CRPPA: variants seen among roughly 807,000 people sequenced by gnomAD.
CRPPA encodes the protein D-ribitol-5-phosphate cytidylyltransferase.
CRPPA carries 43 observed loss-of-function variants against 52.0 expected under a neutral mutation model. The observed-to-expected ratio is 0.83, with a 90% CI of 0.65 to 1.07. The LOEUF (loss-of-function observed/expected upper bound fraction) is 1.07, where lower values mean the gene tolerates loss of function less well. Among genes scored for constraint, CRPPA ranks in the 50% least tolerant of loss-of-function variants. The probability of loss-of-function intolerance (pLI) is 0.00; values close to 1 mark genes in which losing one functional copy is unlikely to be tolerated. For missense variants in CRPPA, 629 were observed against 551.7 expected, an observed-to-expected ratio of 1.14 and a Z score of -1.40; for synonymous variants, 250 against 203.5, an observed-to-expected ratio of 1.23 and a Z score of -1.94.
Position 16,421,326 on chromosome 7 carries a change from T to A in CRPPA, c.-4A>T. 8.0e-7 allele frequency: 1 copy of A among 1,247,814 alleles called. No individual in the cohort carries two copies. Among genetic ancestry groups the A allele is most frequent in the Non-Finnish European group, 1.0e-6 (1 of 993,032 alleles). 77.3% of individuals were successfully genotyped at this position (1,247,814 alleles called of 1,614,324 possible). Reference sequence around the variant, plus strand: ...TGCCCGGCGGCCCGGCCTCCATGGCTGCGGGCGGAACGGCGAGCCCCGCTA... The same window carrying A: ...TGCCCGGCGGCCCGGCCTCCATGGCAGCGGGCGGAACGGCGAGCCCCGCTA... On this transcript the variant is annotated 5_prime_UTR_variant, in exon 1 of 10. Coordinates refer to ENST00000407010, the MANE Select transcript of CRPPA (RefSeq NM_001101426.4).
chr7:16,094,062 C>G (rs1781889724), intron 9 of CRPPA, among the ~76,000 whole-genome samples: 2 of 152,160 alleles, frequency 1.3e-5, no homozygotes, highest in African/African-American at 2.4e-5. Context: ...AATCACATTT[C>G]TATATCTTAC....
chr7:16,227,507 C>T (rs1181408964), intron 8 of CRPPA, among the ~76,000 whole-genome samples: 1 of 151,662 alleles, frequency 6.6e-6, no homozygotes. Context: ...TTTTCATATA[C>T]CTATTGGCCA....
chr7:16,093,124 T>C (rs1363525693), intron 9 of CRPPA, among the ~76,000 whole-genome samples: 2 of 152,222 alleles, frequency 1.3e-5, no homozygotes, highest in Non-Finnish European at 2.9e-5. Flanking sequence ...TCTTTTTTAG[T>C]TGACCATCTA....
In CRPPA at chr7:16,147,981, T is replaced by G. The variant is rs188482781; in HGVS notation, c.1252-56182A>C. 5.9e-5 allele frequency among the ~76,000 whole-genome samples: 9 copies of G among 152,304 alleles called. No homozygotes were observed. In the East Asian group the frequency reaches 1.7e-3, roughly 29 times the overall value. ...TTAACAAATTTGATGTTGAAATATA[T>G]TCCATGAAGTATTTCTTAATCACCT... On this transcript the variant is annotated intron_variant, in intron 9 of 9. Transcript: ENST00000407010.
chr7:16,279,304 T>C (rs1036076631), intron 5 of CRPPA, among the ~76,000 whole-genome samples: 2 of 152,148 alleles, frequency 1.3e-5, no homozygotes, highest in Non-Finnish European at 2.9e-5. Flanking sequence ...CACCAGTTAA[T>C]AGCACTGCTA....
At chr7:16,172,878 A>G (rs1353920860) in intron 9 of CRPPA, among the ~76,000 whole-genome samples, 3 of 152,232 alleles carry the variant, frequency 2.0e-5, no homozygotes, top group Non-Finnish European at 4.4e-5. Flanking sequence ...CTTTCTCCCT[A>G]AGAAACTAAA....
chr7:16,411,287 A>C (rs1445359560), intron 1 of CRPPA, among the ~76,000 whole-genome samples: 1 of 152,122 alleles, frequency 6.6e-6, no homozygotes. Context: ...TGTGATCTCC[A>C]GTCTGACTCT....
intron 5 of CRPPA, among the ~76,000 whole-genome samples, chr7:16,278,580 A>T (rs1784258026): frequency 6.6e-6 from 1 of 152,238 alleles, no homozygotes; most frequent in African/African-American, 2.4e-5. Context: ...AACCTAACAG[A>T]TTTCCACTTC....
chr7:16,345,875 A>C (rs1462000337), intron 3 of CRPPA, among the ~76,000 whole-genome samples: 1 of 152,164 alleles, frequency 6.6e-6, no homozygotes, highest in Non-Finnish European at 1.5e-5. Context: ...CCAGAGTCCA[A>C]ATGATTTCCT....
At chr7:16,264,212 A>G (rs1423810950) in intron 6 of CRPPA, among the ~76,000 whole-genome samples, 1 of 152,206 alleles carries the variant, frequency 6.6e-6, no homozygotes, top group Non-Finnish European at 1.5e-5. Flanking sequence ...TATAAAAAAA[A>G]GTCCTAAGCA....
At chr7:16,237,564 C>A (rs1260210311) in intron 8 of CRPPA, among the ~76,000 whole-genome samples, 1 of 152,180 alleles carries the variant, frequency 6.6e-6, no homozygotes, top group Non-Finnish European at 1.5e-5. Context: ...CACAAACATT[C>A]AGTCCAATAC....
chr7:16,389,043 G>A (rs536092427), intron 2 of CRPPA, among the ~76,000 whole-genome samples: 4 of 152,216 alleles, frequency 2.6e-5, no homozygotes, highest in South Asian at 4.1e-4. Context: ...TTCCTAGAAA[G>A]ACAATTAACC....
intron 9 of CRPPA, among the ~76,000 whole-genome samples, chr7:16,117,135 G>C (rs560960474): frequency 2.6e-5 from 4 of 152,144 alleles, no homozygotes; most frequent in Non-Finnish European, 1.5e-5. Context: ...GAAAATGATG[G>C]ATTTTAAAAT....
At chr7:16,300,301 T>A (rs1199338505) in intron 5 of CRPPA, among the ~76,000 whole-genome samples, 1 of 152,192 alleles carries the variant, frequency 6.6e-6, no homozygotes, top group East Asian at 1.9e-4. Flanking sequence ...AATTTTTTAA[T>A]AAATTGATGC....
At chr7:16,348,925 C>A (rs1306329662) in intron 3 of CRPPA, among the ~76,000 whole-genome samples, 1 of 152,208 alleles carries the variant, frequency 6.6e-6, no homozygotes, top group African/African-American at 2.4e-5. Flanking sequence ...GTCAATGGGG[C>A]TTTGTATTCC....
At chr7:16,400,418 T>A (rs546467173) in intron 2 of CRPPA, among the ~76,000 whole-genome samples, 1 of 152,122 alleles carries the variant, frequency 6.6e-6, no homozygotes, top group South Asian at 2.1e-4. Context: ...GACTAACAGG[T>A]GACTGACATA....
At chr7:16,228,626 TTTCTAG>T (rs1205348269) in intron 8 of CRPPA, among the ~76,000 whole-genome samples, 1 of 151,984 alleles carries the variant, frequency 6.6e-6, no homozygotes, top group African/African-American at 2.4e-5. Context: ...CAGTTCCTCA[TTTCTAG>T]TTTCATATTT....
chr7:16,346,560 G>A (rs1786019363), intron 3 of CRPPA, among the ~76,000 whole-genome samples: 1 of 152,032 alleles, frequency 6.6e-6, no homozygotes, highest in Non-Finnish European at 1.5e-5. Context: ...AATTAGCAGA[G>A]GCAATAGCTA....
intron 9 of CRPPA, among the ~76,000 whole-genome samples, chr7:16,205,216 A>C (rs1781947397): frequency 6.6e-6 from 1 of 152,158 alleles, no homozygotes; most frequent in Non-Finnish European, 1.5e-5. Flanking sequence ...TTAAACTCTA[A>C]ATAACAAAAG....
Sources: gnomAD v4.1 joint callset for allele counts (sites outside exome capture counted in the v4.1 genomes callset) on GRCh38, gnomAD v4.1.1 for gene constraint, MANE v1.5 for transcripts, NCBI Gene and HGNC (gene_info 2026-07-23, HGNC 2026-07-21) for gene names.